KIAA1671: variants seen among roughly 807,000 people sequenced by gnomAD.
KIAA1671 encodes KIAA1671, also known as uncharacterized protein KIAA1671.
A neutral mutation model predicts 131.2 loss-of-function variants in KIAA1671; 52 were observed. The observed-to-expected ratio is 0.40, with a 90% CI of 0.32 to 0.50. KIAA1671 has a LOEUF of 0.50. Ranked by LOEUF, KIAA1671 falls within the 20% of genes least tolerant of loss-of-function variation. KIAA1671 has a pLI of 0.73. For missense variants in KIAA1671, 2,360 were observed against 2,364.2 expected, an observed-to-expected ratio of 1.00 and a Z score of 0.04; for synonymous variants, 1,003 against 961.6, an observed-to-expected ratio of 1.04 and a Z score of -0.80.
intron 1 of KIAA1671, among the ~76,000 whole-genome samples, chr22:24,991,120 A>G (rs1923818632): frequency 6.6e-6 from 1 of 152,106 alleles, no homozygotes; most frequent in Non-Finnish European, 1.5e-5. Context: ...TCCGGGTTCA[A>G]GCGATTATCC....
intron 1 of KIAA1671, among the ~76,000 whole-genome samples, chr22:25,025,353 G>A (rs1483040693): frequency 6.6e-6 from 1 of 152,094 alleles, no homozygotes; most frequent in African/African-American, 2.4e-5. Flanking sequence ...GAGTTGCATG[G>A]TTGCAGGGGA....
intron 6 of KIAA1671, among the ~76,000 whole-genome samples, chr22:25,122,480 C>T (rs958730960): frequency 1.6e-4 from 24 of 152,182 alleles, no homozygotes; most frequent in Admixed American, 1.6e-3. Flanking sequence ...AATGTGACTA[C>T]AAAACTGCCC....
At chr22:25,135,488 T>C (rs924461459) in intron 6 of KIAA1671, among the ~76,000 whole-genome samples, 1 of 152,150 alleles carries the variant, frequency 6.6e-6, no homozygotes, top group Admixed American at 6.5e-5. Flanking sequence ...GCCCAGCTGA[T>C]TTTGGGATTT....
At chr22:25,043,173 T>C (rs1167377800) in intron 5 of KIAA1671, among the ~76,000 whole-genome samples, 3 of 152,106 alleles carry the variant, frequency 2.0e-5, no homozygotes, top group Non-Finnish European at 4.4e-5. Context: ...TGGGGGTACA[T>C]AAGCAGAATA....
At chr22:25,015,212 C>A (rs1925240416) in intron 1 of KIAA1671, 1 of 138,354 alleles carries the variant, frequency 7.2e-6, no homozygotes, top group African/African-American at 2.7e-5. Context: ...GGACACACAG[C>A]AAGACCTTGT....
chr22:25,006,585 A>G (rs1924763549), intron 1 of KIAA1671, among the ~76,000 whole-genome samples: 1 of 152,150 alleles, frequency 6.6e-6, no homozygotes, highest in Admixed American at 6.6e-5. Context: ...TCCCCAGGCA[A>G]GTTAAGCTCT....
At chr22:25,093,882 C>G (rs1033653027) in intron 6 of KIAA1671, among the ~76,000 whole-genome samples, 2 of 126,974 alleles carry the variant, frequency 1.6e-5, no homozygotes, top group African/African-American at 6.1e-5. Context: ...CTCTCTCTCT[C>G]TCTCCCTTCT....
chr22:24,970,607 CTCA>C (rs1426447396), intron 1 of KIAA1671, among the ~76,000 whole-genome samples: 1 of 151,896 alleles, frequency 6.6e-6, no homozygotes, highest in Non-Finnish European at 1.5e-5. Flanking sequence ...CTTCCTCCTT[CTCA>C]TCATCATCAT....
chr22:25,152,545 G>C (rs991250063), intron 6 of KIAA1671, among the ~76,000 whole-genome samples: 7 of 152,108 alleles, frequency 4.6e-5, no homozygotes, highest in African/African-American at 1.7e-4. Flanking sequence ...TGCCACACCA[G>C]GTTTGCAGTC....
intron 1 of KIAA1671, among the ~76,000 whole-genome samples, chr22:24,964,293 T>TA (rs200640760): frequency 0.016 from 2,504 of 152,006 alleles, 65 homozygotes; most frequent in African/African-American, 0.057. Context: ...TGTGCTATTG[T>TA]ACTACAGCCT....
intron 6 of KIAA1671, among the ~76,000 whole-genome samples, chr22:25,147,520 C>A (rs959942591): frequency 6.6e-6 from 1 of 152,182 alleles, no homozygotes; most frequent in South Asian, 2.1e-4. Flanking sequence ...ACAATACCCC[C>A]ACCTCCAGTC....
At chr22:25,136,922 C>T (rs771692791) in intron 6 of KIAA1671, among the ~76,000 whole-genome samples, 1 of 152,070 alleles carries the variant, frequency 6.6e-6, no homozygotes, top group African/African-American at 2.4e-5. Flanking sequence ...CAGAATGATA[C>T]GGATACTTCA....
At chr22:25,095,129 G>T (rs1930332710) in intron 6 of KIAA1671, among the ~76,000 whole-genome samples, 1 of 152,164 alleles carries the variant, frequency 6.6e-6, no homozygotes, top group African/African-American at 2.4e-5. Flanking sequence ...TTTCCTAGCT[G>T]AGTGACCTTG....
intron 5 of KIAA1671, among the ~76,000 whole-genome samples, chr22:25,042,168 A>C (rs1926963785): frequency 6.6e-6 from 1 of 152,186 alleles, no homozygotes; most frequent in African/African-American, 2.4e-5. Flanking sequence ...ACTTATTTTT[A>C]AAAATGCTGT....
Position 25,099,537 on chromosome 22 carries a change from G to GTTTTTTTTTTTTTTTT in KIAA1671, c.4530+50180_4530+50181insTTTTTTTTTTTTTTTT, listed in dbSNP as rs1223034273. Among the ~76,000 whole-genome samples, 2 of 112,112 alleles carry GTTTTTTTTTTTTTTTT rather than the reference G, an allele frequency of 1.8e-5. 1 individual carries two copies. The highest frequency in any genetic ancestry group is 3.5e-5 in the Non-Finnish European group (2 of 57,624). 73.5% of individuals were successfully genotyped at this position (112,112 alleles called of 152,430 possible). A position where few individuals can be genotyped will look rare whatever the true frequency, so the allele number is the denominator to read the frequency against. On this transcript the variant is annotated intron_variant, in intron 6 of 12. Coordinates refer to ENST00000358431, the MANE Select transcript of KIAA1671 (RefSeq NM_001145206.2). ...TATAAGTTTGTCTTTCAAAATGTGG[G>GTTTTTTTTTTTTTTTT]TTTTTTTGTTTTTTTTTTTTTTTTT...
intron 6 of KIAA1671, among the ~76,000 whole-genome samples, chr22:25,105,785 G>A (rs369353697): frequency 1.5e-4 from 22 of 149,508 alleles, no homozygotes; most frequent in African/African-American, 5.4e-4. Context: ...ATTTGGTGAG[G>A]GCCAGGATAT....
Position 24,956,038 on chromosome 22 carries a change from A to AAAAAG in KIAA1671, c.-208+3276_-208+3280dup, listed in dbSNP as rs1243293661. On this transcript the variant is annotated intron_variant, in intron 1 of 12. Transcript: ENST00000358431. ...AGACTCCGTCTCAAAAAAAAAAAAA[A>AAAAAG]AAAAGAAAAGAAAAAAGAAAAATCC... Among the ~76,000 whole-genome samples, 5 of 152,054 alleles carry AAAAAG rather than the reference A, an allele frequency of 3.3e-5. No individual in the cohort carries two copies. In the East Asian group the frequency reaches 9.7e-4, roughly 29 times the overall value.
Position 25,028,525 on chromosome 22 carries a change from C to T in KIAA1671, c.526C>T (p.Pro176Ser). The change falls in exon 3 of 13, where the codon CCT becomes TCT. Residue 176 changes from proline to serine, a missense_variant. Physicochemically the swap from Pro to Ser is moderately conservative, Grantham distance 74. Coordinates refer to ENST00000358431, the MANE Select transcript of KIAA1671 (RefSeq NM_001145206.2). ...CAAGCTAGGTGTGTCCGGCTCCCGG[C>T]CTGAGGTGGCTGCCAAGCCCGCCCT... is the stretch of plus-strand genomic sequence containing the variant. Reference protein sequence around the residue: ...EAKLGVSGSRPEVAAKPALPT... With the variant: ...EAKLGVSGSRSEVAAKPALPT... 1 of 1,549,506 alleles carries T rather than the reference C, an allele frequency of 6.5e-7. No individual in the cohort carries two copies. The highest frequency in any genetic ancestry group is 8.7e-7 in the Non-Finnish European group (1 of 1,146,274).
chr22:25,164,965 A>AGG (rs1933591235), intron 6 of KIAA1671, among the ~76,000 whole-genome samples: 1 of 117,248 alleles, frequency 8.5e-6, no homozygotes, highest in African/African-American at 3.4e-5. Context: ...AAAAAAAGAG[A>AGG]GAGAGTTGCA....
Sources: allele counts gnomAD v4.1 joint callset (sites outside exome capture counted in the v4.1 genomes callset), GRCh38; gene constraint gnomAD v4.1.1; transcripts MANE v1.5; gene names NCBI Gene and HGNC (gene_info 2026-07-23, HGNC 2026-07-21).